The following ESRRG variants were observed in gnomAD, a reference collection of about 807,000 sequenced individuals.
The protein encoded by ESRRG is estrogen related receptor gamma.
Under a neutral mutation model 44.0 loss-of-function variants are expected in ESRRG, and 13 were observed. The observed-to-expected ratio is 0.30, with a 90% CI of 0.19 to 0.47. The LOEUF is 0.47. ESRRG is among the 20% of genes least tolerant of loss of function. The pLI, the probability that ESRRG is intolerant of heterozygous loss-of-function variation, is 1.00. For synonymous variants in ESRRG, 215 were observed against 214.6 expected, an observed-to-expected ratio of 1.00 and a Z score of -0.02; for missense variants, 395 against 580.6, an observed-to-expected ratio of 0.68 and a Z score of 3.29.
At chr1:216,827,536 T>C (rs898461860) in intron 2 of ESRRG, among the ~76,000 whole-genome samples, 5 of 152,222 alleles carry the variant, frequency 3.3e-5, no homozygotes, top group Non-Finnish European at 5.9e-5. Context: ...TGTCTTCGTA[T>C]GCAAGTGAAG....
intron 5 of ESRRG, among the ~76,000 whole-genome samples, chr1:216,531,501 G>A (rs983487619): frequency 6.6e-6 from 1 of 151,990 alleles, no homozygotes. Flanking sequence ...CAACCCCTTC[G>A]ATTCCTCTCA....
At chr1:216,580,958 G>GA in intron 3 of ESRRG, among the ~76,000 whole-genome samples, 1 of 152,204 alleles carries the variant, frequency 6.6e-6, no homozygotes, top group South Asian at 2.1e-4. Context: ...GCCCATGTTT[G>GA]AAAAATGCTT....
intron 2 of ESRRG, among the ~76,000 whole-genome samples, chr1:216,858,559 A>C (rs572123693): frequency 6.6e-6 from 1 of 152,326 alleles, no homozygotes; most frequent in East Asian, 1.9e-4. Context: ...GGGCATGGGC[A>C]GACCTAACAT....
chr1:216,544,316 A>G (rs1054023163), intron 5 of ESRRG, among the ~76,000 whole-genome samples: 9 of 152,080 alleles, frequency 5.9e-5, no homozygotes, highest in Non-Finnish European at 1.0e-4. Context: ...CACCCTGATT[A>G]AATTCCTTAA....
At chr1:217,132,417 G>A (rs1049577488) in intron 1 of ESRRG, among the ~76,000 whole-genome samples, 4 of 152,178 alleles carry the variant, frequency 2.6e-5, no homozygotes, top group Non-Finnish European at 4.4e-5. Context: ...AAGGAAGGAC[G>A]GTGGCTGAGG....
At chr1:217,115,325 GAA>G (rs1394961124) in intron 1 of ESRRG, among the ~76,000 whole-genome samples, 2 of 152,148 alleles carry the variant, frequency 1.3e-5, no homozygotes, top group African/African-American at 2.4e-5. Flanking sequence ...CAGCTGACAT[GAA>G]AAGAGTCTCA....
rs779496209 is a variant in ESRRG, at chr1:216,516,636, T to TACAC, written c.1132+2512_1132+2515dup. ...TCTGGAATTCCTAAACACACACACA[T>TACAC]ACACACACACACACACACACACACA... On this transcript the variant is annotated intron_variant, in intron 6 of 6. Coordinates refer to ENST00000408911, the MANE Select transcript of ESRRG (RefSeq NM_001438.4). Among the ~76,000 whole-genome samples the TACAC allele has an allele frequency of 5.7e-3, 746 of 130,438 alleles. 5 individuals carry two copies. Among genetic ancestry groups the TACAC allele is most frequent in the Non-Finnish European group, 7.0e-3 (445 of 63,206 alleles). The allele number at this position is 130,438 out of a possible 152,430, so 85.6% of individuals were successfully genotyped here.
At chr1:216,603,912 G>T (rs181340440) in intron 3 of ESRRG, among the ~76,000 whole-genome samples, 11 of 140,254 alleles carry the variant, frequency 7.8e-5, no homozygotes, top group Non-Finnish European at 1.4e-4. Flanking sequence ...CAGCCTGGGC[G>T]ACAGAGACTC....
intron 2 of ESRRG, among the ~76,000 whole-genome samples, chr1:216,807,406 AT>A (rs1286330143): frequency 6.6e-6 from 1 of 152,150 alleles, no homozygotes; most frequent in Non-Finnish European, 1.5e-5. Flanking sequence ...TCACATTGCT[AT>A]TTTTGGATCA....
At chr1:216,926,957 T>G (rs1219536648) in intron 2 of ESRRG, among the ~76,000 whole-genome samples, 1 of 152,184 alleles carries the variant, frequency 6.6e-6, no homozygotes, top group Non-Finnish European at 1.5e-5. Context: ...ATTACTATAT[T>G]TCATGGACAC....
chr1:216,727,354 A>G (rs567792769), upstream of ESRRG, among the ~76,000 whole-genome samples: 6 of 152,134 alleles, frequency 3.9e-5, no homozygotes, highest in Non-Finnish European at 8.8e-5. Context: ...ACAAACTACT[A>G]TCTTTAACTC....
chr1:216,862,717 G>A (rs2096073630), intron 2 of ESRRG: 1 of 152,158 alleles, frequency 6.6e-6, no homozygotes, highest in Non-Finnish European at 1.5e-5. Context: ...AAGCAGATAA[G>A]TGATTAGCCT....
At chr1:216,813,164 C>A (rs1329759877) in intron 2 of ESRRG, among the ~76,000 whole-genome samples, 1 of 152,086 alleles carries the variant, frequency 6.6e-6, no homozygotes, top group Non-Finnish European at 1.5e-5. Flanking sequence ...AGTAGAAAAC[C>A]CACGACTCAG....
chr1:216,795,411 C>T (rs2153236), intron 2 of ESRRG, among the ~76,000 whole-genome samples: 109,840 of 144,486 alleles, frequency 0.76, 42,205 homozygotes, highest in African/African-American at 0.88. Context: ...TGGCGTGATC[C>T]TGGCTCACTG....
intron 2 of ESRRG, among the ~76,000 whole-genome samples, chr1:216,797,484 C>A (rs1210696553): frequency 6.6e-6 from 1 of 152,126 alleles, no homozygotes; most frequent in East Asian, 1.9e-4. Flanking sequence ...TATACCCATC[C>A]CTCCAGATCC....
intron 1 of ESRRG, among the ~76,000 whole-genome samples, chr1:217,022,882 T>C (rs2080576368): frequency 6.6e-6 from 1 of 151,822 alleles, no homozygotes; most frequent in Non-Finnish European, 1.5e-5. Context: ...GCAGGGAGGA[T>C]GGATGGAAGG....
intron 1 of ESRRG, among the ~76,000 whole-genome samples, chr1:216,989,427 C>CAAA (rs67759463): frequency 3.4e-4 from 27 of 79,272 alleles, no homozygotes; most frequent in East Asian, 1.9e-3. Flanking sequence ...GACTCTGTCT[C>CAAA]AAAAAAAAAA....
rs11572536 is a variant in ESRRG, at chr1:216,875,891, G to T, written c.-14+63691C>A. On this transcript the variant is annotated intron_variant, in intron 2 of 7. Coordinates refer to the ESRRG transcript ENST00000359162. ...CCCACCGGCAGATATGAGCGTTCCA[G>T]TTCCAGAAGGAAGGTATTTTTTAAG... Among the ~76,000 whole-genome samples the T allele has an allele frequency of 9.5e-4, 144 of 152,220 alleles. 2 individuals are homozygous for T. The South Asian group carries it at 0.019, about 20-fold the overall frequency.
At chr1:216,518,794 G>A (rs2045178684) in intron 6 of ESRRG, among the ~76,000 whole-genome samples, 1 of 152,164 alleles carries the variant, frequency 6.6e-6, no homozygotes, top group Admixed American at 6.5e-5. Context: ...TGGTTTGTGT[G>A]TATCAACAAT....
Sources: gnomAD v4.1 joint callset for allele counts (sites outside exome capture counted in the v4.1 genomes callset) on GRCh38, gnomAD v4.1.1 for gene constraint, MANE v1.5 for transcripts, NCBI Gene and HGNC (gene_info 2026-07-23, HGNC 2026-07-21) for gene names.